DOCK1: variants seen among roughly 807,000 people sequenced by gnomAD.
DOCK1 encodes the protein dedicator of cytokinesis protein 1.
A neutral mutation model predicts 262.7 loss-of-function variants in DOCK1; 138 were observed. The ratio of observed to expected loss-of-function variants is 0.53; its 90% CI spans 0.46 to 0.61. The LOEUF (loss-of-function observed/expected upper bound fraction) is 0.61, where lower values mean the gene tolerates loss of function less well. Among genes scored for constraint, DOCK1 ranks in the 20% least tolerant of loss-of-function variants. DOCK1 has a pLI of 0.00. For missense variants in DOCK1, 1,908 were observed against 2,370.7 expected (o/e 0.80, Z 4.05); for synonymous variants, 866 against 867.4 (o/e 1.00, Z 0.03).
In DOCK1 at chr10:127,114,212, G is replaced by C. The variant is rs560324041; in HGVS notation, c.2623+3858G>C. ...GATTTTGCTCTTCTGCTGGTACCTA[G>C]CGCATGCCTGGCTTCAGCATGCCTG... On this transcript the variant is annotated intron_variant, in intron 25 of 51. Transcript: ENST00000623213. Among the ~76,000 whole-genome samples, 11 of 152,198 alleles carry C rather than the reference G, an allele frequency of 7.2e-5. No individual in the cohort carries two copies. The South Asian group carries it at 2.3e-3, about 32-fold the overall frequency.
At chr10:127,307,522 C>T (rs968581339) in intron 29 of DOCK1, among the ~76,000 whole-genome samples, 1 of 152,180 alleles carries the variant, frequency 6.6e-6, no homozygotes. Flanking sequence ...CTGCAGGCTG[C>T]CTCATTTCTC....
intron 29 of DOCK1, among the ~76,000 whole-genome samples, chr10:127,262,593 C>T (rs1441989592): frequency 7.6e-6 from 1 of 131,814 alleles, no homozygotes; most frequent in Non-Finnish European, 1.8e-5. Context: ...AGGTTATTGC[C>T]TTCATGTGGT....
At chr10:126,977,855 C>A in intron 2 of DOCK1, 93 bp from the exon 3 acceptor site, 2 of 1,245,694 alleles carry the variant, frequency 1.6e-6, no homozygotes, top group Non-Finnish European at 2.3e-6. Flanking sequence ...CTCACTGGTT[C>A]TGCCAAACAG....
intron 5 of DOCK1, among the ~76,000 whole-genome samples, chr10:126,989,948 A>G (rs1301940251): frequency 2.0e-5 from 3 of 152,288 alleles, no homozygotes; most frequent in South Asian, 4.1e-4. Context: ...CCAGGGTGGA[A>G]TGCTTCTTCT....
At chr10:126,912,520 A>T (rs1203036238) in intron 1 of DOCK1, among the ~76,000 whole-genome samples, 1 of 150,798 alleles carries the variant, frequency 6.6e-6, no homozygotes, top group Admixed American at 6.6e-5. Flanking sequence ...AGGTCAGTAG[A>T]TCGAGACCCT....
chr10:127,130,124 C>T (rs1231172351), intron 27 of DOCK1, among the ~76,000 whole-genome samples: 1 of 143,230 alleles, frequency 7.0e-6, no homozygotes, highest in Non-Finnish European at 1.5e-5. Flanking sequence ...TGCTCTGTCG[C>T]CCAGGCTGGA....
intron 2 of DOCK1, among the ~76,000 whole-genome samples, chr10:126,974,195 C>T (rs964170448): frequency 7.2e-5 from 11 of 152,070 alleles, no homozygotes; most frequent in Admixed American, 2.0e-4. Context: ...TGGTCAAGGG[C>T]GTGCCAATCC....
chr10:127,128,856 A>G (rs2050135530), intron 27 of DOCK1, among the ~76,000 whole-genome samples: 1 of 152,236 alleles, frequency 6.6e-6, no homozygotes, highest in Non-Finnish European at 1.5e-5. Flanking sequence ...AATGCCCATC[A>G]AAGATAGACT....
chr10:127,312,751 G>A (rs1462914674), intron 29 of DOCK1, among the ~76,000 whole-genome samples: 1 of 151,658 alleles, frequency 6.6e-6, no homozygotes, highest in African/African-American at 2.4e-5. Context: ...CATTCTCCCT[G>A]TGCCTCCACC....
intron 24 of DOCK1, 28 bp downstream of exon 24, chr10:127,106,329 G>T (rs1321860700): frequency 6.3e-7 from 1 of 1,575,226 alleles, no homozygotes; most frequent in Admixed American, 1.8e-5. Flanking sequence ...GCGAATGCTT[G>T]TCACGTGCCG....
rs1303338144 is a variant in DOCK1, at chr10:127,447,439, C to T, written c.5459C>T (p.Pro1820Leu). The T allele has an allele frequency of 1.9e-6, 3 of 1,613,294 alleles. No individual in the cohort carries two copies. In the Admixed American group the frequency reaches 5.0e-5, roughly 27 times the overall value. Residue 1820 changes from proline to leucine, a missense_variant, in exon 51 of 52, where the codon CCA becomes CTA. Physicochemically the swap from Pro to Leu is moderately conservative, Grantham distance 98. Transcript: ENST00000623213. ...ACGGGGGCGGACGTGGCCGATGTCC[C>T]ACCCCCTCTGCCTCTCAAAGGCAGC... is the stretch of plus-strand genomic sequence containing the variant. ...GMTGADVADV[P>L]PPLPLKGSVA...
chr10:127,266,509 A>G (rs1387978507), intron 29 of DOCK1, among the ~76,000 whole-genome samples: 1 of 151,950 alleles, frequency 6.6e-6, no homozygotes, highest in Non-Finnish European at 1.5e-5. Context: ...ACACACACAT[A>G]TATATAGACT....
intron 27 of DOCK1, among the ~76,000 whole-genome samples, chr10:127,173,392 A>G (rs1480333000): frequency 6.6e-6 from 1 of 152,190 alleles, no homozygotes; most frequent in Non-Finnish European, 1.5e-5. Context: ...ATGGCATCTC[A>G]GAGAACCCTG....
At chr10:127,391,180 G>T (rs1590849408) in intron 38 of DOCK1, among the ~76,000 whole-genome samples, 1 of 152,182 alleles carries the variant, frequency 6.6e-6, no homozygotes, top group South Asian at 2.1e-4. Context: ...TGTCGAAATG[G>T]CAAGGAAAAA....
At chr10:126,990,824 A>G (rs370964980) in intron 6 of DOCK1, among the ~76,000 whole-genome samples, 2 of 152,262 alleles carry the variant, frequency 1.3e-5, no homozygotes, top group African/African-American at 4.8e-5. Flanking sequence ...TCTTCAAGGG[A>G]TAGAGTCAAG....
intron 1 of DOCK1, among the ~76,000 whole-genome samples, chr10:126,955,092 T>A (rs2036624226): frequency 6.6e-6 from 1 of 152,212 alleles, no homozygotes; most frequent in Admixed American, 6.5e-5. Flanking sequence ...ATAATAGCCA[T>A]CCTAATCATC....
chr10:127,016,881 AAC>A (rs1460481284), intron 12 of DOCK1, among the ~76,000 whole-genome samples: 1 of 125,736 alleles, frequency 8.0e-6, no homozygotes, highest in African/African-American at 3.1e-5. Flanking sequence ...ATACACCACA[AAC>A]ACACAGATGC....
At chr10:127,199,143 A>G (rs980875136) in intron 27 of DOCK1, among the ~76,000 whole-genome samples, 7 of 152,144 alleles carry the variant, frequency 4.6e-5, no homozygotes, top group Non-Finnish European at 7.3e-5. Context: ...ATTTTTGTTG[A>G]AAAAGATAGA....
At chr10:127,432,669 A>C (rs1354468276) in intron 47 of DOCK1, among the ~76,000 whole-genome samples, 1 of 151,922 alleles carries the variant, frequency 6.6e-6, no homozygotes, top group African/African-American at 2.4e-5. Flanking sequence ...CCATCTAGAG[A>C]TCTTTTTTTT....
Sources: gnomAD v4.1 joint callset for allele counts (sites outside exome capture counted in the v4.1 genomes callset) on GRCh38, gnomAD v4.1.1 for gene constraint, MANE v1.5 for transcripts, NCBI Gene and HGNC (gene_info 2026-07-23, HGNC 2026-07-21) for gene names.